The following PIK3C2B variants were observed in gnomAD, a reference collection of about 807,000 sequenced individuals.
PIK3C2B encodes phosphatidylinositol-4-phosphate 3-kinase catalytic subunit type 2 beta, also known as phosphatidylinositol 4-phosphate 3-kinase C2 domain-containing subunit beta.
A neutral mutation model predicts 184.3 loss-of-function variants in PIK3C2B; 83 were observed. The ratio of observed to expected loss-of-function variants is 0.45; its 90% CI spans 0.38 to 0.54. The LOEUF is 0.54. Among genes scored for constraint, PIK3C2B ranks in the 20% least tolerant of loss-of-function variants. The pLI, the probability that PIK3C2B is intolerant of heterozygous loss-of-function variation, is 0.00. For missense variants in PIK3C2B, 1,736 were observed against 2,113.5 expected (o/e 0.82, Z 3.50); for synonymous variants, 779 against 837.6 (o/e 0.93, Z 1.21).
At chr1:204,441,799 TGTTA>T (rs2103480979) in intron 20 of PIK3C2B, among the ~76,000 whole-genome samples, 1 of 152,342 alleles carries the variant, frequency 6.6e-6, no homozygotes, top group East Asian at 1.9e-4. Flanking sequence ...CCTCCCATCC[TGTTA>T]GTTCATTCTG....
At chr1:204,467,865 T>C (rs1655945518) in intron 2 of PIK3C2B, among the ~76,000 whole-genome samples, 2 of 134,986 alleles carry the variant, frequency 1.5e-5, no homozygotes, top group East Asian at 2.2e-4. Flanking sequence ...GCATCAGCCA[T>C]GGGGGTGTCA....
At chr1:204,482,113 G>T in intron 1 of PIK3C2B, among the ~76,000 whole-genome samples, 1 of 4,212 alleles carries the variant, frequency 2.4e-4, no homozygotes, top group Admixed American at 9.3e-3. Context: ...AAAAGACGGG[G>T]GGGGGGGGGG....
In PIK3C2B at chr1:204,464,135, G is replaced by A. The variant is rs200202838; in HGVS notation, c.1190-3C>T. On this transcript the variant is annotated splice_polypyrimidine_tract_variant and splice_region_variant and intron_variant, in intron 4 of 32. Transcript: ENST00000684373. ...AAGCAAGTCTACAGTGGAGGAACCT[G>A]TGAAGGGTAAGGTAGGGGGAGCAAT... 1.2e-6 allele frequency: 2 copies of A among 1,613,844 alleles called. No individual in the cohort carries two copies. The highest frequency in any genetic ancestry group is 2.2e-5 in the East Asian group (1 of 44,882).
chr1:204,450,738 C>G (rs911474415), intron 12 of PIK3C2B, among the ~76,000 whole-genome samples: 7 of 152,198 alleles, frequency 4.6e-5, no homozygotes, highest in African/African-American at 1.7e-4. Context: ...CTCTCCAGGT[C>G]CCTCAGTCTG....
intron 28 of PIK3C2B, 95 bp downstream of exon 28, chr1:204,431,574 G>T: frequency 6.8e-7 from 1 of 1,465,720 alleles, no homozygotes; most frequent in East Asian, 2.3e-5. Context: ...GTCCAAAAGG[G>T]TATTTTCTGC....
Position 204,444,465 on chromosome 1 carries a change from G to T in PIK3C2B, c.2679-41C>A, listed in dbSNP as rs1653677501. 4.7e-6 allele frequency: 7 copies of T among 1,477,792 alleles called. No homozygotes were observed. The East Asian group carries it at 9.4e-5, about 20-fold the overall frequency. 91.5% of individuals were successfully genotyped at this position (1,477,792 alleles called of 1,614,324 possible). On this transcript the variant is annotated intron_variant, in intron 16 of 32. Transcript: ENST00000684373. ...CAGTGCCCTGACAACCTAGCTGCAA[G>T]TTGAGGCACAGCTGTGAGCCCAGCA...
At chr1:204,434,229 T>C (rs987399357) in intron 24 of PIK3C2B, among the ~76,000 whole-genome samples, 9 of 152,234 alleles carry the variant, frequency 5.9e-5, no homozygotes, top group Non-Finnish European at 1.0e-4. Flanking sequence ...CAGTCCTTGG[T>C]AGGGAAGAAC....
chr1:204,444,005 G>C (rs985504880), intron 18 of PIK3C2B, 63 bp downstream of exon 18: 1 of 1,146,926 alleles, frequency 8.7e-7, no homozygotes, highest in Non-Finnish European at 1.3e-6. Context: ...GCGTGCCTAA[G>C]AGTGAAATAC....
intron 2 of PIK3C2B, chr1:204,467,209 C>G: frequency 3.4e-6 from 1 of 293,378 alleles, no homozygotes; most frequent in East Asian, 9.8e-5. Flanking sequence ...TACCAGGGTG[C>G]CCTGACTCAG....
intron 28 of PIK3C2B, among the ~76,000 whole-genome samples, chr1:204,430,969 A>T (rs562349611): frequency 6.6e-6 from 1 of 152,334 alleles, no homozygotes; most frequent in Non-Finnish European, 1.5e-5. Context: ...AGTAGTTTTT[A>T]AAAAAATTGC....
rs1337114600 is a variant in PIK3C2B, at chr1:204,494,464, T to G, written c.-193A>C. 1 of 152,424 alleles carries G rather than the reference T, an allele frequency of 6.6e-6. No homozygotes were observed. Among genetic ancestry groups the G allele is most frequent in the Non-Finnish European group, 1.5e-5 (1 of 68,298 alleles). 9.4% of individuals were successfully genotyped at this position (152,424 alleles called of 1,614,324 possible). The stretch of plus-strand genomic sequence containing the variant: ...TCGCTCTGCGGCTCCAGGCGCCTCT[T>G]GCACCAGCGCGAGAGGAGCTGGCCG... On this transcript the variant is annotated 5_prime_UTR_variant, in exon 1 of 33. Transcript: ENST00000684373.
chr1:204,490,731 C>T (rs1245120231), intron 1 of PIK3C2B, among the ~76,000 whole-genome samples: 2 of 150,444 alleles, frequency 1.3e-5, no homozygotes, highest in African/African-American at 4.9e-5. Flanking sequence ...CGAGATCAGT[C>T]TAGGCAACAT....
In PIK3C2B at chr1:204,424,379, T is replaced by G. The variant is rs1674635444; in HGVS notation, c.*473A>C. On this transcript the variant is annotated 3_prime_UTR_variant, in exon 33 of 33. Transcript: ENST00000684373. Reference sequence around the variant, plus strand: ...GGGAAAAGTCCAATAAGAACCTTAATCATACAAAAAGTCCAAATAGTCTTC... The same window carrying G: ...GGGAAAAGTCCAATAAGAACCTTAAGCATACAAAAAGTCCAAATAGTCTTC... The G allele has an allele frequency of 4.4e-6, 1 of 225,254 alleles. No individual in the cohort carries two copies. The highest frequency in any genetic ancestry group is 2.3e-5 in the African/African-American group (1 of 43,392). The allele number at this position is 225,254 out of a possible 1,614,324, so 14.0% of individuals were successfully genotyped here.
intron 19 of PIK3C2B, 74 bp from the exon 20 acceptor site, chr1:204,442,707 T>C (rs1427649408): frequency 5.8e-6 from 6 of 1,038,838 alleles, no homozygotes; most frequent in Non-Finnish European, 8.7e-6. Flanking sequence ...CTCCCAGGGG[T>C]GGGTTCTCCG....
intron 29 of PIK3C2B, among the ~76,000 whole-genome samples, chr1:204,428,631 T>C (rs1000531643): frequency 3.3e-5 from 5 of 152,028 alleles, no homozygotes; most frequent in African/African-American, 9.7e-5. Flanking sequence ...GTAGATGAGA[T>C]TACAGGCCTG....
chr1:204,444,323 C>G lies in PIK3C2B; in HGVS notation c.2772+8G>C. On this transcript the variant is annotated splice_region_variant and intron_variant, in intron 17 of 32. Transcript: ENST00000684373. ...CAGCAAAACTGGAGGGAGGACCAATCCACCCACCTGTACCAGCTGGGGCAG... is the reference window on the plus strand; with the variant it reads ...CAGCAAAACTGGAGGGAGGACCAATGCACCCACCTGTACCAGCTGGGGCAG... The G allele has an allele frequency of 6.2e-7, 1 of 1,608,382 alleles. No individual in the cohort carries two copies. The highest frequency in any genetic ancestry group is 8.5e-7 in the Non-Finnish European group (1 of 1,174,740).
intron 1 of PIK3C2B, among the ~76,000 whole-genome samples, chr1:204,481,798 G>C (rs1657173706): frequency 6.6e-6 from 1 of 152,192 alleles, no homozygotes; most frequent in East Asian, 1.9e-4. Context: ...AGGCCCCCCA[G>C]GGTGGCCGGT....
chr1:204,490,768 GAAAA>G (rs915968177), intron 1 of PIK3C2B, among the ~76,000 whole-genome samples: 1 of 113,046 alleles, frequency 8.8e-6, no homozygotes, highest in Non-Finnish European at 1.9e-5. Flanking sequence ...AACAGAAAAA[GAAAA>G]AAAAAAAAGG....
chr1:204,451,357 A>G (rs1558251085), intron 12 of PIK3C2B, among the ~76,000 whole-genome samples: 1 of 152,192 alleles, frequency 6.6e-6, no homozygotes, highest in Non-Finnish European at 1.5e-5. Context: ...AGACTTTATG[A>G]GTGAAACCAG....
Sources: allele counts gnomAD v4.1 joint callset (sites outside exome capture counted in the v4.1 genomes callset), GRCh38; gene constraint gnomAD v4.1.1; transcripts MANE v1.5; gene names NCBI Gene and HGNC (gene_info 2026-07-23, HGNC 2026-07-21).